Variants in AKR1E2 observed in about 807,000 individuals in gnomAD.
AKR1E2 encodes aldo-keto reductase family 1 member E2.
A neutral mutation model predicts 41.9 loss-of-function variants in AKR1E2; 43 were observed. The observed-to-expected ratio is 1.03, with a 90% CI of 0.80 to 1.32. The LOEUF is 1.32. Among genes scored for constraint, AKR1E2 ranks in the 40% most tolerant of loss-of-function variants. The probability of loss-of-function intolerance (pLI) is 0.00; values close to 1 mark genes in which losing one functional copy is unlikely to be tolerated. For missense variants in AKR1E2, 423 were observed against 396.5 expected, an observed-to-expected ratio of 1.07 and a Z score of -0.57; for synonymous variants, 121 against 138.9, an observed-to-expected ratio of 0.87 and a Z score of 0.91.
chr10:4,870,114 G>A, the AKR1E2 span, among the ~76,000 whole-genome samples: 1 of 151,966 alleles, frequency 6.6e-6, no homozygotes, highest in South Asian at 2.1e-4. Context: ...AGCATTGGTT[G>A]CTATTGGTAT....
the AKR1E2 span, among the ~76,000 whole-genome samples, chr10:4,869,320 T>C: frequency 6.6e-6 from 1 of 152,160 alleles, no homozygotes; most frequent in Non-Finnish European, 1.5e-5. Context: ...TGTGGAGTTG[T>C]TTGTAGTACC....
the AKR1E2 span, among the ~76,000 whole-genome samples, chr10:4,860,533 G>C: frequency 2.0e-5 from 3 of 152,072 alleles, no homozygotes; most frequent in Non-Finnish European, 4.4e-5. Context: ...CAACTTTTTT[G>C]ATTGCACCTC....
At chr10:4,862,828 A>G in the AKR1E2 span, among the ~76,000 whole-genome samples, 1 of 152,202 alleles carries the variant, frequency 6.6e-6, no homozygotes, top group East Asian at 1.9e-4. Flanking sequence ...TCTCTGATAA[A>G]ATGGACTTTA....
At chr10:4,850,591 C>G (rs924535934), downstream of AKR1E2, among the ~76,000 whole-genome samples, 1 of 152,204 alleles carries the variant, frequency 6.6e-6, no homozygotes, top group Non-Finnish European at 1.5e-5. Context: ...TCCACACCCT[C>G]GCCAGCATTA....
intron 9 of AKR1E2, 72 bp downstream of exon 9, chr10:4,847,302 A>G: frequency 3.1e-6 from 5 of 1,600,054 alleles, no homozygotes; most frequent in Non-Finnish European, 4.3e-6. Context: ...CTGAATAGGT[A>G]TTTATCATAC....
chr10:4,836,642 C>G (rs1046751074), intron 4 of AKR1E2, among the ~76,000 whole-genome samples: 1 of 152,204 alleles, frequency 6.6e-6, no homozygotes, highest in Non-Finnish European at 1.5e-5. Context: ...AGGCTCCCCC[C>G]ATCAATAGAA....
At chr10:4,863,638 C>CA in the AKR1E2 span, among the ~76,000 whole-genome samples, 1 of 151,676 alleles carries the variant, frequency 6.6e-6, no homozygotes, top group Non-Finnish European at 1.5e-5. Flanking sequence ...GATAGAGTCA[C>CA]AAAAAACCCT....
At chr10:4,841,971 C>A in intron 7 of AKR1E2, 114 bp downstream of exon 7, 1 of 881,524 alleles carries the variant, frequency 1.1e-6, no homozygotes, top group Non-Finnish European at 1.7e-6. Flanking sequence ...CAGGTGAGTC[C>A]ATGACTCATT....
rs1832516924 is a variant in AKR1E2 at position 4,826,490 on chromosome 10, G to T, written c.39+127G>T. 3 of 884,748 alleles carry T rather than the reference G, an allele frequency of 3.4e-6. No homozygotes were observed. The South Asian group carries it at 1.7e-4, about 51-fold the overall frequency. The allele number at this position is 884,748 out of a possible 1,614,324, so 54.8% of individuals were successfully genotyped here. ...CCTCCCCTCCGCCTGGCCGACGCCC[G>T]GGAAAGGCGCTGCTGAGGTGGCCGC... On this transcript the variant is annotated intron_variant, in intron 1 of 9. Transcript: ENST00000298375.
intron 8 of AKR1E2, 106 bp from the exon 9 acceptor site, chr10:4,847,042 A>C (rs1452946245): frequency 2.4e-6 from 3 of 1,230,826 alleles, no homozygotes; most frequent in South Asian, 1.5e-5. Flanking sequence ...TTTGTTTTAC[A>C]TCTTTGTGTC....
intron 5 of AKR1E2, among the ~76,000 whole-genome samples, chr10:4,838,007 C>G (rs909878425): frequency 6.6e-6 from 1 of 152,174 alleles, no homozygotes; most frequent in Non-Finnish European, 1.5e-5. Flanking sequence ...GCAGGCACTT[C>G]GTTTTTTTAA....
chr10:4,837,085 T>C (rs1327554641), intron 4 of AKR1E2, among the ~76,000 whole-genome samples: 3 of 152,194 alleles, frequency 2.0e-5, no homozygotes, highest in South Asian at 4.1e-4. Flanking sequence ...GCAGACATGC[T>C]TGCCAGACAT....
chr10:4,847,342 A>G (rs561061902), intron 9 of AKR1E2, 112 bp downstream of exon 9: 3 of 1,556,638 alleles, frequency 1.9e-6, no homozygotes, highest in East Asian at 2.3e-5. Context: ...CTTTCTCATT[A>G]TAATTCTTTC....
In AKR1E2 at chr10:4,847,859, T is replaced by C. The variant is rs1225656652; in HGVS notation, c.*329T>C. 1.0e-5 allele frequency: 3 copies of C among 293,912 alleles called. No individual in the cohort carries two copies. The highest frequency in any genetic ancestry group is 6.6e-5 in the African/African-American group (3 of 45,468). The allele number at this position is 293,912 out of a possible 1,614,324, so 18.2% of individuals were successfully genotyped here. A position where few individuals can be genotyped will look rare whatever the true frequency, so the allele number is the denominator to read the frequency against. ...GCCATCTACAGAGCTGAGGAAACAG[T>C]GTAATGTGTCTCTGCCCCATTGCGC... On this transcript the variant is annotated 3_prime_UTR_variant, in exon 10 of 10. Transcript: ENST00000298375.
intron 4 of AKR1E2, among the ~76,000 whole-genome samples, chr10:4,836,217 T>C (rs78396343): frequency 0.035 from 5,305 of 152,202 alleles, 150 homozygotes; most frequent in East Asian, 0.11. Flanking sequence ...CTCAAGCATT[T>C]CAGAATGATA....
At chr10:4,837,384 C>T (rs1833511606) in intron 4 of AKR1E2, 75 bp from the exon 5 acceptor site, 9 of 1,562,810 alleles carry the variant, frequency 5.8e-6, no homozygotes, top group Non-Finnish European at 7.0e-6. Flanking sequence ...GAATACCATA[C>T]AGAACTGCTG....
intron 8 of AKR1E2, among the ~76,000 whole-genome samples, chr10:4,844,689 T>C (rs925308695): frequency 2.0e-5 from 3 of 151,976 alleles, no homozygotes; most frequent in Non-Finnish European, 4.4e-5. Flanking sequence ...AGATACAGAG[T>C]GTCGATTGGT....
At chr10:4,841,701 T>G in intron 6 of AKR1E2, 84 bp from the exon 7 acceptor site, 1 of 1,082,498 alleles carries the variant, frequency 9.2e-7, no homozygotes, top group Non-Finnish European at 1.3e-6. Flanking sequence ...AATCTTTCAT[T>G]TTGGACAAAG....
intron 6 of AKR1E2, 28 bp from the exon 7 acceptor site, chr10:4,841,757 C>T: frequency 6.7e-7 from 1 of 1,481,716 alleles, no homozygotes. Flanking sequence ...GATCTCCTGG[C>T]TCACTCCCCT....
Sources: allele counts gnomAD v4.1 joint callset (sites outside exome capture counted in the v4.1 genomes callset), GRCh38; gene constraint gnomAD v4.1.1; transcripts MANE v1.5; gene names NCBI Gene and HGNC (gene_info 2026-07-23, HGNC 2026-07-21).